The following EYS variants were observed in gnomAD, a reference collection of about 807,000 sequenced individuals.
EYS encodes the protein EGF-like photoreceptor maintenance factor.
Under a neutral mutation model 282.1 loss-of-function variants are expected in EYS, and 250 were observed. The observed-to-expected ratio is 0.89, with a 90% confidence interval of 0.80 to 0.98. The LOEUF (loss-of-function observed/expected upper bound fraction) is 0.98. Among genes scored for constraint, EYS ranks in the 50% least tolerant of loss-of-function variants. The pLI is 0.00. For missense variants in EYS, 4,016 were observed against 3,709.0 expected (o/e 1.08, Z -2.15); for synonymous variants, 1,355 against 1,282.9 (o/e 1.06, Z -1.20).
At chr6:65,655,560 TA>T (rs2149821964) in intron 1 of EYS, among the ~76,000 whole-genome samples, 1 of 151,900 alleles carries the variant, frequency 6.6e-6, no homozygotes, top group South Asian at 2.1e-4. Flanking sequence ...AACCCAGACT[TA>T]AGGATTTTTC....
intron 29 of EYS, among the ~76,000 whole-genome samples, chr6:64,337,232 GC>G (rs1418161706): frequency 6.6e-6 from 1 of 151,978 alleles, no homozygotes; most frequent in African/African-American, 2.4e-5. Context: ...TAGACCATTA[GC>G]AAGATTAACC....
intron 35 of EYS, among the ~76,000 whole-genome samples, chr6:63,922,827 T>C (rs568266532): frequency 6.6e-6 from 1 of 152,308 alleles, no homozygotes; most frequent in South Asian, 2.1e-4. Flanking sequence ...TTTAGAACAC[T>C]AACTCTGATA....
intron 30 of EYS, among the ~76,000 whole-genome samples, chr6:64,247,958 A>G (rs893712547): frequency 1.3e-5 from 2 of 152,152 alleles, no homozygotes; most frequent in Non-Finnish European, 2.9e-5. Flanking sequence ...TGAGGTTAAG[A>G]AGATATTTGA....
At chr6:63,885,791 T>C (rs556429711) in intron 35 of EYS, among the ~76,000 whole-genome samples, 6 of 152,152 alleles carry the variant, frequency 3.9e-5, no homozygotes, top group African/African-American at 1.4e-4. Context: ...TTGCAAGAAC[T>C]TGACCCAATT....
intron 2 of EYS, among the ~76,000 whole-genome samples, chr6:65,565,061 C>T (rs1769222304): frequency 1.9e-5 from 1 of 53,368 alleles, no homozygotes; most frequent in Non-Finnish European, 2.9e-5. Context: ...CCAGCTAAAA[C>T]GGTGAAACCC....
intron 22 of EYS, among the ~76,000 whole-genome samples, chr6:64,787,787 C>T (rs1288362404): frequency 6.6e-6 from 1 of 150,578 alleles, no homozygotes; most frequent in Admixed American, 6.6e-5. Context: ...CATTTTACTT[C>T]TGTGTGGCTT....
At chr6:64,587,448 G>T (rs540635121) in intron 26 of EYS, among the ~76,000 whole-genome samples, 62 of 152,034 alleles carry the variant, frequency 4.1e-4, no homozygotes, top group Admixed American at 1.8e-3. Flanking sequence ...CAAGATTTTT[G>T]CATTGTAGAA....
intron 2 of EYS, among the ~76,000 whole-genome samples, chr6:65,626,246 A>G: frequency 6.6e-6 from 1 of 152,218 alleles, no homozygotes; most frequent in East Asian, 1.9e-4. Context: ...TTGTATTTGT[A>G]GTTCATCAAG....
At chr6:65,570,410 G>A (rs1252570052) in intron 2 of EYS, among the ~76,000 whole-genome samples, 1 of 152,182 alleles carries the variant, frequency 6.6e-6, no homozygotes, top group African/African-American at 2.4e-5. Context: ...TCATCAGCAA[G>A]TCATTTTGAA....
chr6:65,597,331 G>A (rs1765443675), intron 2 of EYS, among the ~76,000 whole-genome samples: 1 of 151,962 alleles, frequency 6.6e-6, no homozygotes, highest in Non-Finnish European at 1.5e-5. Flanking sequence ...CCAGAGTAAT[G>A]TTCCATGGAA....
chr6:64,759,791 A>G (rs971354680), intron 22 of EYS, among the ~76,000 whole-genome samples: 1 of 152,234 alleles, frequency 6.6e-6, no homozygotes. Flanking sequence ...CCTTCAAAAA[A>G]TTTTGAAAAT....
intron 22 of EYS, among the ~76,000 whole-genome samples, chr6:64,674,255 C>A (rs879622648): frequency 5.3e-5 from 8 of 152,166 alleles, no homozygotes; most frequent in Non-Finnish European, 7.4e-5. Context: ...TAGCAGAGGG[C>A]AGCTGATACA....
intron 22 of EYS, among the ~76,000 whole-genome samples, chr6:64,696,208 A>G (rs997675462): frequency 2.0e-5 from 3 of 152,206 alleles, no homozygotes; most frequent in African/African-American, 7.2e-5. Context: ...ATTTGTTGAA[A>G]GAATTACAAA....
intron 35 of EYS, among the ~76,000 whole-genome samples, chr6:63,864,697 G>A (rs143979639): frequency 0.011 from 1,680 of 152,256 alleles, 24 homozygotes; most frequent in African/African-American, 0.039. Context: ...TTAATAAAGT[G>A]CATCAAATGT....
At chr6:64,950,246 C>A (rs1769439723) in intron 14 of EYS, among the ~76,000 whole-genome samples, 1 of 151,704 alleles carries the variant, frequency 6.6e-6, no homozygotes, top group Admixed American at 6.6e-5. Flanking sequence ...TAAAAATATA[C>A]CAAAGGAGGG....
intron 5 of EYS, among the ~76,000 whole-genome samples, chr6:65,431,073 T>G (rs186932314): frequency 9.2e-5 from 14 of 152,296 alleles, no homozygotes; most frequent in Admixed American, 7.2e-4. Context: ...GAGCACCAAG[T>G]GGGCACTTAA....
chr6:64,232,284 C>G (rs1454710791), intron 30 of EYS, among the ~76,000 whole-genome samples: 1 of 152,090 alleles, frequency 6.6e-6, no homozygotes, highest in African/African-American at 2.4e-5. Flanking sequence ...CATTTTATTC[C>G]TAACGATGCT....
chr6:65,265,805 T>G (rs1767738224), intron 12 of EYS, among the ~76,000 whole-genome samples: 1 of 151,916 alleles, frequency 6.6e-6, no homozygotes, highest in Admixed American at 6.6e-5. Context: ...TGCTCTTATT[T>G]TTTAGCTATG....
At chr6:65,318,547 TTA>T (rs1231744030) in intron 11 of EYS, among the ~76,000 whole-genome samples, 1 of 146,826 alleles carries the variant, frequency 6.8e-6, no homozygotes, top group African/African-American at 2.5e-5. Context: ...TATATATATA[TTA>T]TATATATTTT....
Sources: gnomAD v4.1 joint callset for allele counts (sites outside exome capture counted in the v4.1 genomes callset) on GRCh38, gnomAD v4.1.1 for gene constraint, MANE v1.5 for transcripts, NCBI Gene and HGNC (gene_info 2026-07-23, HGNC 2026-07-21) for gene names.